The following CSRNP3 variants were observed in gnomAD, a reference collection of about 807,000 sequenced individuals.
The protein encoded by CSRNP3 is cysteine and serine rich nuclear protein 3, also known as cysteine/serine-rich nuclear protein 3.
CSRNP3 carries 12 observed loss-of-function variants against 48.0 expected under a neutral mutation model. The ratio of observed to expected loss-of-function variants is 0.25; its 90% CI spans 0.16 to 0.41. The LOEUF (loss-of-function observed/expected upper bound fraction) is 0.41, where lower values mean the gene tolerates loss of function less well. Among genes scored for constraint, CSRNP3 ranks in the 10% least tolerant of loss-of-function variants. The pLI, the probability that CSRNP3 is intolerant of heterozygous loss-of-function variation, is 1.00. For synonymous variants in CSRNP3, 263 were observed against 269.7 expected (o/e 0.98, Z 0.24); for missense variants, 580 against 724.4 (o/e 0.80, Z 2.29).
intron 4 of CSRNP3, among the ~76,000 whole-genome samples, chr2:165,639,780 T>A (rs576952023): frequency 6.6e-6 from 1 of 152,294 alleles, no homozygotes; most frequent in South Asian, 2.1e-4. Flanking sequence ...AGCCTCTAAT[T>A]CCTCCTTCAG....
chr2:165,674,052 A>G (rs1346501694), intron 5 of CSRNP3, among the ~76,000 whole-genome samples: 4 of 152,144 alleles, frequency 2.6e-5, no homozygotes, highest in African/African-American at 9.7e-5. Context: ...ATAAAATAAA[A>G]ATAAATCAAT....
At chr2:165,652,894 C>T (rs759432470) in intron 4 of CSRNP3, among the ~76,000 whole-genome samples, 5 of 152,134 alleles carry the variant, frequency 3.3e-5, no homozygotes, top group Non-Finnish European at 7.4e-5. Context: ...CATTCTCCTC[C>T]CTCCTTTTCT....
chr2:165,598,037 A>G (rs532056583), intron 4 of CSRNP3, among the ~76,000 whole-genome samples: 172 of 152,316 alleles, frequency 1.1e-3, no homozygotes, highest in African/African-American at 3.9e-3. Context: ...AAAAGCATTC[A>G]TAAGTGTCTA....
intron 3 of CSRNP3, among the ~76,000 whole-genome samples, chr2:165,583,837 C>G (rs1685585848): frequency 6.6e-6 from 1 of 152,124 alleles, no homozygotes; most frequent in African/African-American, 2.4e-5. Context: ...ACAACTGTTA[C>G]AGGAAAGGGG....
chr2:165,650,882 A>G (rs1203465459), intron 4 of CSRNP3, among the ~76,000 whole-genome samples: 1 of 152,244 alleles, frequency 6.6e-6, no homozygotes, highest in Non-Finnish European at 1.5e-5. Context: ...TTAGACCCAA[A>G]TGGTAGAATT....
chr2:165,620,457 C>A (rs765161644), intron 4 of CSRNP3, among the ~76,000 whole-genome samples: 1 of 151,902 alleles, frequency 6.6e-6, no homozygotes, highest in African/African-American at 2.4e-5. Flanking sequence ...TAAAAAGGAA[C>A]CTCAGTCTTG....
chr2:165,490,213 A>T (rs1429628770), intron 1 of CSRNP3, among the ~76,000 whole-genome samples: 1 of 151,110 alleles, frequency 6.6e-6, no homozygotes, highest in African/African-American at 2.5e-5. Flanking sequence ...TTCAAAGAGA[A>T]TAAAAAACCT....
intron 2 of CSRNP3, among the ~76,000 whole-genome samples, chr2:165,515,003 C>T (rs980904686): frequency 3.9e-5 from 6 of 152,114 alleles, no homozygotes; most frequent in Non-Finnish European, 8.8e-5. Flanking sequence ...GGTACCTTTG[C>T]CTCTGTCTAA....
At position 165,666,171 on chromosome 2, in the gene CSRNP3, AAAGG is replaced by A. The variant is rs1178084062; in HGVS notation, c.408+8164_408+8167del. ...GAGAGAGGAAGAAAGAGAGAGAGAGAAAGGAAGGAAGGAAGGGAGGAAAGAGAGA... is the reference window on the plus strand; with the variant it reads ...GAGAGAGGAAGAAAGAGAGAGAGAGAAAGGAAGGAAGGGAGGAAAGAGAGA... On this transcript the variant is annotated intron_variant, in intron 5 of 6. Coordinates refer to ENST00000651982, the MANE Select transcript of CSRNP3 (RefSeq NM_001172173.2). Among the ~76,000 whole-genome samples, 455 of 119,596 alleles carry A rather than the reference AAAGG, an allele frequency of 3.8e-3. 4 individuals carry two copies. Among genetic ancestry groups the A allele is most frequent in the African/African-American group, 0.013 (406 of 31,626 alleles). 78.5% of individuals were successfully genotyped at this position (119,596 alleles called of 152,430 possible).
intron 1 of CSRNP3, among the ~76,000 whole-genome samples, chr2:165,491,828 A>G (rs1684213098): frequency 7.7e-6 from 1 of 129,762 alleles, no homozygotes; most frequent in Non-Finnish European, 1.6e-5. Context: ...GAGGGATAGC[A>G]TTGGGAGATA....
intron 4 of CSRNP3, among the ~76,000 whole-genome samples, chr2:165,617,202 T>G (rs914702076): frequency 6.6e-6 from 1 of 152,022 alleles, no homozygotes; most frequent in African/African-American, 2.4e-5. Flanking sequence ...CGGTTTTCGT[T>G]TGGAAGTGTC....
chr2:165,516,945 G>A (rs1414780809), intron 2 of CSRNP3, among the ~76,000 whole-genome samples: 1 of 151,938 alleles, frequency 6.6e-6, no homozygotes, highest in Admixed American at 6.6e-5. Flanking sequence ...GCTTGTGTAG[G>A]GTATTTGTTC....
chr2:165,501,608 G>C (rs904461668), intron 2 of CSRNP3, among the ~76,000 whole-genome samples: 2 of 152,128 alleles, frequency 1.3e-5, no homozygotes, highest in Non-Finnish European at 2.9e-5. Context: ...TGTGCTGAAT[G>C]CTTTAAACAA....
At chr2:165,477,837 C>T (rs896176873) in intron 1 of CSRNP3, among the ~76,000 whole-genome samples, 2 of 151,800 alleles carry the variant, frequency 1.3e-5, no homozygotes, top group Non-Finnish European at 1.5e-5. Flanking sequence ...TTTAGCCAGG[C>T]GTGCTGGTGA....
chr2:165,568,585 CAG>C (rs1341259738), intron 3 of CSRNP3, among the ~76,000 whole-genome samples: 1 of 152,036 alleles, frequency 6.6e-6, no homozygotes, highest in Admixed American at 6.6e-5. Flanking sequence ...AGTTCTTGGA[CAG>C]AGTGTTTCAA....
At position 165,680,091 on chromosome 2, in the gene CSRNP3, T is replaced by C; in HGVS notation, c.*338T>C. On this transcript the variant is annotated 3_prime_UTR_variant, in exon 7 of 7. Transcript: ENST00000651982. ...TTTGGATTATCGGGCCTGTGCAAGATTGTTAACTAAGGCTGGGAAATAATA... is the reference window on the plus strand; with the variant it reads ...TTTGGATTATCGGGCCTGTGCAAGACTGTTAACTAAGGCTGGGAAATAATA... The C allele has an allele frequency of 1.4e-5, 3 of 216,702 alleles. No homozygotes were observed. The South Asian group carries it at 4.8e-4, about 35-fold the overall frequency. 13.4% of individuals were successfully genotyped at this position (216,702 alleles called of 1,614,324 possible).
In CSRNP3 at chr2:165,682,547, T is replaced by C. The variant is rs1687564319; in HGVS notation, c.*2794T>C. 1 of 152,118 alleles carries C rather than the reference T, an allele frequency of 6.6e-6. No individual in the cohort carries two copies. Among genetic ancestry groups the C allele is most frequent in the African/African-American group, 2.4e-5 (1 of 41,424 alleles). 9.4% of individuals were successfully genotyped at this position (152,118 alleles called of 1,614,324 possible). ...GAGTTTTTCTAACCCCAGAATCTGGTTGGGCTTTATGATCTAAAAAAATGT... is the reference window on the plus strand; with the variant it reads ...GAGTTTTTCTAACCCCAGAATCTGGCTGGGCTTTATGATCTAAAAAAATGT... On this transcript the variant is annotated 3_prime_UTR_variant, in exon 7 of 7. Coordinates refer to ENST00000651982, the MANE Select transcript of CSRNP3 (RefSeq NM_001172173.2).
intron 5 of CSRNP3, among the ~76,000 whole-genome samples, chr2:165,666,033 AAGGG>A (rs1687185084): frequency 5.0e-5 from 2 of 39,862 alleles, no homozygotes; most frequent in East Asian, 5.4e-4. Context: ...GAGAGAGAGG[AAGGG>A]AGGAAGGAAG....
At chr2:165,646,394 A>G (rs1401111578) in intron 4 of CSRNP3, among the ~76,000 whole-genome samples, 1 of 152,106 alleles carries the variant, frequency 6.6e-6, no homozygotes, top group African/African-American at 2.4e-5. Context: ...TTATCATGAT[A>G]TATTAGGCTT....
Sources: gnomAD v4.1 joint callset for allele counts (sites outside exome capture counted in the v4.1 genomes callset) on GRCh38, gnomAD v4.1.1 for gene constraint, MANE v1.5 for transcripts, NCBI Gene and HGNC (gene_info 2026-07-23, HGNC 2026-07-21) for gene names.